PSEN2: variants seen among roughly 807,000 people sequenced by gnomAD.
PSEN2 encodes presenilin-2.
A neutral mutation model predicts 49.1 loss-of-function variants in PSEN2; 32 were observed. That is an observed-to-expected ratio of 0.65 (90% confidence interval 0.49 to 0.88). The LOEUF (loss-of-function observed/expected upper bound fraction) is 0.88. Among genes scored for constraint, PSEN2 ranks in the 40% least tolerant of loss-of-function variants. The pLI, the probability that PSEN2 is intolerant of heterozygous loss-of-function variation, is 0.00. For synonymous variants in PSEN2, 255 were observed against 244.0 expected, an observed-to-expected ratio of 1.05 and a Z score of -0.42; for missense variants, 522 against 586.9, an observed-to-expected ratio of 0.89 and a Z score of 1.14.
chr1:226,893,685 C>G lies in PSEN2; in HGVS notation c.1073-322C>G, dbSNP rs529129866. Among the ~76,000 whole-genome samples, 296 of 152,316 alleles carry G rather than the reference C, an allele frequency of 1.9e-3. 1 individual carries two copies. The highest frequency in any genetic ancestry group is 7.0e-3 in the African/African-American group (289 of 41,570). ...TCATACTAAATTGTACAGCAGTGCCCAGCCCAAGGCCTTGCATTTCTATTT... is the reference window on the plus strand; with the variant it reads ...TCATACTAAATTGTACAGCAGTGCCGAGCCCAAGGCCTTGCATTTCTATTT... On this transcript the variant is annotated intron_variant, in intron 11 of 12. Transcript: ENST00000366783.
intron 2 of PSEN2, among the ~76,000 whole-genome samples, chr1:226,872,784 C>T (rs1000546391): frequency 2.0e-5 from 3 of 152,168 alleles, no homozygotes; most frequent in Admixed American, 1.3e-4. Flanking sequence ...GCCACAGCTG[C>T]GGAAAGGCGG....
rs929612193 is a variant in PSEN2 at position 226,889,128 on chromosome 1, G to A, written c.787+79G>A. On this transcript the variant is annotated intron_variant, in intron 8 of 12. Transcript: ENST00000366783. ...TCGTCCCCAGTGCTGCACAAGGAGG[G>A]CAGGTGCTGAAGGGCTTGCATCCCT... 6 of 1,352,536 alleles carry A rather than the reference G, an allele frequency of 4.4e-6. No individual in the cohort carries two copies. The African/African-American group carries it at 8.7e-5, about 20-fold the overall frequency. The allele number at this position is 1,352,536 out of a possible 1,614,324, so 83.8% of individuals were successfully genotyped here.
At chr1:226,889,800 G>C (rs1315318831) in intron 8 of PSEN2, among the ~76,000 whole-genome samples, 1 of 152,212 alleles carries the variant, frequency 6.6e-6, no homozygotes, top group African/African-American at 2.4e-5. Flanking sequence ...TCCCCAGCCT[G>C]GCCACCGCGT....
chr1:226,873,176 T>C (rs1660419647), intron 2 of PSEN2, among the ~76,000 whole-genome samples: 1 of 142,054 alleles, frequency 7.0e-6, no homozygotes, highest in African/African-American at 2.7e-5. Context: ...AAACTCCATC[T>C]CAAAAAAAAA....
Position 226,885,443 on chromosome 1 carries a change from A to G in PSEN2, c.357-95A>G, listed in dbSNP as rs72758667. 8.3e-4 allele frequency: 1,205 copies of G among 1,449,006 alleles called. 1 individual carries two copies. The highest frequency in any genetic ancestry group is 1.1e-3 in the Non-Finnish European group (1,130 of 1,061,912). 89.8% of individuals were successfully genotyped at this position (1,449,006 alleles called of 1,614,324 possible). On this transcript the variant is annotated intron_variant, in intron 5 of 12. Transcript: ENST00000366783. ...AGCATGTGGGCAGCATGGGCATCCC[A>G]GGCACCTCCCCTAGCAGGTCCAGAA...
At chr1:226,882,184 G>T in intron 4 of PSEN2, 136 bp downstream of exon 4, 2 of 1,283,488 alleles carry the variant, frequency 1.6e-6, no homozygotes, top group South Asian at 2.9e-5. Context: ...GAAAAGGTGG[G>T]TGGCTGGCCA....
At position 226,896,030 on chromosome 1, in the gene PSEN2, G is replaced by A. The variant is rs1662130234; in HGVS notation, c.*451G>A. The A allele has an allele frequency of 4.3e-6, 1 of 230,970 alleles. No homozygotes were observed. The highest frequency in any genetic ancestry group is 2.3e-5 in the African/African-American group (1 of 44,332). The allele number at this position is 230,970 out of a possible 1,614,324, so 14.3% of individuals were successfully genotyped here. ...CCTTTAGAAACTGAGTCCTGTTCTT[G>A]TTACGGCAGTCACACTGCTGGGAAG... is the stretch of plus-strand genomic sequence containing the variant. On this transcript the variant is annotated 3_prime_UTR_variant, in exon 13 of 13. Transcript: ENST00000366783.
rs1661644061 is a variant in PSEN2 at position 226,890,120 on chromosome 1, C to T, written c.873C>T (p.Ala291=). The T allele has an allele frequency of 6.2e-7, 1 of 1,613,002 alleles. No individual in the cohort carries two copies. Among genetic ancestry groups the T allele is most frequent in the Non-Finnish European group, 8.5e-7 (1 of 1,179,092 alleles). ...AGAGAAATGAGCCCATATTCCCTGC[C>T]CTGATATACTCATGTGAGTGAGCCC... ...AQERNEPIFP[A]LIYSSAMVWT... is the part of the protein sequence containing the mutation. Residue 291 remains alanine, a synonymous_variant, in exon 9 of 13, where the codon GCC becomes GCT. Transcript: ENST00000366783.
intron 12 of PSEN2, 125 bp from the exon 13 acceptor site, chr1:226,895,299 G>A: frequency 1.9e-6 from 2 of 1,048,754 alleles, no homozygotes; most frequent in Non-Finnish European, 2.9e-6. Flanking sequence ...AAGATAATGG[G>A]GTGTCTAGCG....
chr1:226,899,077 C>T (rs1164292421), downstream of PSEN2: 1 of 152,184 alleles, frequency 6.6e-6, no homozygotes, highest in African/African-American at 2.4e-5. Context: ...GCTTGCCTCT[C>T]TTCCCTGCCT....
chr1:226,903,663 A>G (rs1662381646), intron 12 of PSEN2: 1 of 152,124 alleles, frequency 6.6e-6, no homozygotes, highest in Non-Finnish European at 1.5e-5. Flanking sequence ...AAACAAAACC[A>G]GAAAACGTGT....
intron 3 of PSEN2, chr1:226,880,480 C>G: frequency 6.8e-7 from 1 of 1,471,252 alleles, no homozygotes; most frequent in Non-Finnish European, 9.0e-7. Flanking sequence ...GTGTGAAGCT[C>G]AGCCCTGAGG....
chr1:226,891,931 G>A, intron 11 of PSEN2, 87 bp downstream of exon 11: 1 of 1,224,370 alleles, frequency 8.2e-7, no homozygotes, highest in Non-Finnish European at 1.2e-6. Flanking sequence ...CTGGGTGGAG[G>A]AGGGCATGAG....
At chr1:226,888,067 G>A (rs1273370629) in intron 6 of PSEN2, 24 bp from the exon 7 acceptor site, 3 of 1,603,184 alleles carry the variant, frequency 1.9e-6, no homozygotes, top group East Asian at 2.2e-5. Context: ...GACACCTTGT[G>A]ATCGTGCAAT....
At chr1:226,886,485 T>A (rs1661372805) in intron 6 of PSEN2, among the ~76,000 whole-genome samples, 1 of 152,228 alleles carries the variant, frequency 6.6e-6, no homozygotes, top group African/African-American at 2.4e-5. Context: ...GGGCACTGCC[T>A]GTCCCCAAAG....
At chr1:226,902,898 C>G (rs532043638) in intron 12 of PSEN2, among the ~76,000 whole-genome samples, 47 of 152,292 alleles carry the variant, frequency 3.1e-4, no homozygotes, top group Non-Finnish European at 5.0e-4. Flanking sequence ...ACCCCACCCT[C>G]CAGTACTCCA....
Position 226,895,539 on chromosome 1 carries a change from C to A in PSEN2, c.1307C>A (p.Pro436Gln), listed in dbSNP as rs749755334. Reference protein sequence around the residue: ...FYFSTDNLVRPFMDTLASHQL... With the variant: ...FYFSTDNLVRQFMDTLASHQL... ...TTCTCCACGGACAACCTGGTGCGGC[C>A]GTTCATGGACACCCTGGCCTCCCAT... Residue 436 changes from proline to glutamine, a missense_variant, in exon 13 of 13, where the codon CCG (proline) becomes CAG (glutamine). Physicochemically the swap from Pro to Gln is moderately conservative, Grantham distance 76 (BLOSUM62 -1). Transcript: ENST00000366783. 4 of 1,613,774 alleles carry A rather than the reference C, an allele frequency of 2.5e-6. No homozygotes were observed. The highest frequency in any genetic ancestry group is 2.5e-6 in the Non-Finnish European group (3 of 1,179,878).
chr1:226,895,483 C>T lies in PSEN2; in HGVS notation c.1251C>T (p.Pro417=). 3.1e-6 allele frequency: 5 copies of T among 1,614,064 alleles called. No homozygotes were observed. In the South Asian group the frequency reaches 4.4e-5, roughly 14 times the overall value. The change falls in exon 13 of 13, where the codon CCC becomes CCT. Residue 417 remains proline, a synonymous_variant. Coordinates refer to ENST00000366783, the MANE Select transcript of PSEN2 (RefSeq NM_000447.3). Reference sequence around the variant, plus strand: ...TCAAGAAGGCGCTGCCCGCCCTCCCCATCTCCATCACGTTCGGGCTCATCT... The same window carrying T: ...TCAAGAAGGCGCTGCCCGCCCTCCCTATCTCCATCACGTTCGGGCTCATCT... ...AVFKKALPAL[P]ISITFGLIFY...
chr1:226,886,817 A>G (rs1661394326), intron 6 of PSEN2, among the ~76,000 whole-genome samples: 1 of 152,106 alleles, frequency 6.6e-6, no homozygotes, highest in Non-Finnish European at 1.5e-5. Flanking sequence ...AGTAATGAGT[A>G]CCAGCTGGGC....
Sources: gnomAD v4.1 joint callset for allele counts (sites outside exome capture counted in the v4.1 genomes callset) on GRCh38, gnomAD v4.1.1 for gene constraint, MANE v1.5 for transcripts, NCBI Gene and HGNC (gene_info 2026-07-23, HGNC 2026-07-21) for gene names.